TDRD7: variants seen among roughly 807,000 people sequenced by gnomAD.
TDRD7 encodes the protein tudor domain containing 7, also known as tudor domain-containing protein 7.
In TDRD7, 47 loss-of-function variants were observed where a neutral mutation model predicts 109.8. The observed-to-expected ratio is 0.43, with a 90% CI of 0.34 to 0.55. The LOEUF (loss-of-function observed/expected upper bound fraction) is 0.55. TDRD7 is among the 20% of genes least tolerant of loss of function. The probability of loss-of-function intolerance (pLI) is 0.03; values close to 1 mark genes in which losing one functional copy is unlikely to be tolerated. For missense variants in TDRD7, 1,164 were observed against 1,319.2 expected (o/e 0.88, Z 1.82); for synonymous variants, 424 against 457.3 (o/e 0.93, Z 0.93).
chr9:97,418,481 GCCGTT>G, intron 1 of TDRD7, among the ~76,000 whole-genome samples: 1 of 152,232 alleles, frequency 6.6e-6, no homozygotes, highest in Middle Eastern at 3.4e-3. Flanking sequence ...CTCTGCTCTG[GCCGTT>G]AAACAGGTCA....
At chr9:97,436,374 ATT>A (rs952613297) in intron 4 of TDRD7, among the ~76,000 whole-genome samples, 10 of 152,004 alleles carry the variant, frequency 6.6e-5, no homozygotes, top group African/African-American at 2.4e-4. Flanking sequence ...TTTGTCATAT[ATT>A]TTTTAGCCCA....
chr9:97,439,399 C>A, intron 5 of TDRD7, 81 bp downstream of exon 5: 1 of 1,110,986 alleles, frequency 9.0e-7, no homozygotes, highest in Non-Finnish European at 1.3e-6. Flanking sequence ...TTGACATTTG[C>A]TCTCACCTTC....
chr9:97,476,032 A>G lies in TDRD7; in HGVS notation c.2166+563A>G, dbSNP rs535796005. ...ATGATGGATATTTAGATTGTTCCTAATTTTTTGAACCTTCCTGTCTGTGTC... is the reference window on the plus strand; with the variant it reads ...ATGATGGATATTTAGATTGTTCCTAGTTTTTTGAACCTTCCTGTCTGTGTC... On this transcript the variant is annotated intron_variant, in intron 12 of 16. Transcript: ENST00000355295. 9.9e-5 allele frequency among the ~76,000 whole-genome samples: 15 copies of G among 152,236 alleles called. 1 individual carries two copies. Among genetic ancestry groups the G allele is most frequent in the African/African-American group, 3.6e-4 (15 of 41,536 alleles).
At chr9:97,468,614 G>GT (rs1828858816) in intron 8 of TDRD7, among the ~76,000 whole-genome samples, 1 of 152,194 alleles carries the variant, frequency 6.6e-6, no homozygotes, top group Non-Finnish European at 1.5e-5. Context: ...ACTTTGTCTG[G>GT]TGGTAAGTAC....
intron 7 of TDRD7, among the ~76,000 whole-genome samples, chr9:97,463,807 G>A (rs1005985925): frequency 2.6e-5 from 4 of 152,162 alleles, no homozygotes; most frequent in Non-Finnish European, 5.9e-5. Context: ...GTAGAAAAGT[G>A]TAGAAAGGAA....
At chr9:97,419,977 A>T (rs1346636265) in intron 1 of TDRD7, among the ~76,000 whole-genome samples, 1 of 152,226 alleles carries the variant, frequency 6.6e-6, no homozygotes, top group Non-Finnish European at 1.5e-5. Flanking sequence ...ATAGCCTCCC[A>T]GCATTATTAT....
Position 97,468,124 on chromosome 9 carries a change from G to T in TDRD7, c.1630-2434G>T, listed in dbSNP as rs12336923. 3.6e-3 allele frequency among the ~76,000 whole-genome samples: 541 copies of T among 152,352 alleles called. 3 individuals are homozygous for T. Among genetic ancestry groups the T allele is most frequent in the African/African-American group, 0.012 (512 of 41,586 alleles). On this transcript the variant is annotated intron_variant, in intron 8 of 16. Coordinates refer to ENST00000355295, the MANE Select transcript of TDRD7 (RefSeq NM_014290.3). Reference sequence around the variant, plus strand: ...GGATGAATTTGGAGCTCAGGGAGCAGTTAGGACTGGAGATGTGTCAGGTTG... The same window carrying T: ...GGATGAATTTGGAGCTCAGGGAGCATTTAGGACTGGAGATGTGTCAGGTTG...
Position 97,441,786 on chromosome 9 carries a change from A to G in TDRD7, c.766A>G (p.Lys256Glu). ...GCATAACAATGGCATTTGGATATCT[A>G]AGCTTCCACATTTTTACAAAGAGTT... ...NKHNNGIWIS[K>E]LPHFYKELYK... Residue 256 changes from lysine to glutamate, a missense_variant, in exon 6 of 17, where the codon AAG becomes GAG. Lys to Glu is a moderately conservative substitution (Grantham distance 56, BLOSUM62 1). Transcript: ENST00000355295. 7 of 1,613,850 alleles carry G rather than the reference A, an allele frequency of 4.3e-6. No individual in the cohort carries two copies. The highest frequency in any genetic ancestry group is 5.1e-6 in the Non-Finnish European group (6 of 1,179,826).
chr9:97,418,142 G>T (rs986741383), intron 1 of TDRD7, among the ~76,000 whole-genome samples: 1 of 152,118 alleles, frequency 6.6e-6, no homozygotes, highest in African/African-American at 2.4e-5. Context: ...AATAAAGGGG[G>T]AGTGAAAGTA....
intron 6 of TDRD7, among the ~76,000 whole-genome samples, chr9:97,459,779 T>A (rs566253964): frequency 4.6e-5 from 7 of 152,222 alleles, no homozygotes; most frequent in Non-Finnish European, 1.0e-4. Context: ...AAATATTTTC[T>A]AGTTTTCTTC....
At chr9:97,453,927 T>G (rs1828554763) in intron 6 of TDRD7, among the ~76,000 whole-genome samples, 1 of 152,130 alleles carries the variant, frequency 6.6e-6, no homozygotes, top group South Asian at 2.1e-4. Context: ...ACAAAGAGAC[T>G]TAGACTCCCA....
chr9:97,474,390 G>A (rs1476948804), intron 11 of TDRD7, among the ~76,000 whole-genome samples: 3 of 152,198 alleles, frequency 2.0e-5, no homozygotes. Flanking sequence ...GCACCTCAGG[G>A]CATTCATATT....
At chr9:97,455,088 A>C (rs556941868) in intron 6 of TDRD7, among the ~76,000 whole-genome samples, 4 of 152,304 alleles carry the variant, frequency 2.6e-5, no homozygotes, top group African/African-American at 9.6e-5. Flanking sequence ...GAAATGAATA[A>C]ATTCCTGGAT....
At chr9:97,495,222 A>AT (rs1158478231) in intron 16 of TDRD7, among the ~76,000 whole-genome samples, 4 of 152,178 alleles carry the variant, frequency 2.6e-5, no homozygotes, top group Non-Finnish European at 5.9e-5. Flanking sequence ...GCTGTGTATA[A>AT]TTTTAAATAA....
intron 1 of TDRD7, among the ~76,000 whole-genome samples, chr9:97,423,614 C>A (rs1212184716): frequency 6.6e-6 from 1 of 152,070 alleles, no homozygotes; most frequent in African/African-American, 2.4e-5. Flanking sequence ...GAGAATAGAT[C>A]ATTGATTTGC....
intron 4 of TDRD7, among the ~76,000 whole-genome samples, chr9:97,433,524 A>T (rs1298408545): frequency 6.6e-6 from 1 of 152,122 alleles, no homozygotes; most frequent in Non-Finnish European, 1.5e-5. Flanking sequence ...AAATGGGATT[A>T]CATCAAGCTA....
At chr9:97,413,666 G>T (rs1827762694) in intron 1 of TDRD7, among the ~76,000 whole-genome samples, 1 of 152,190 alleles carries the variant, frequency 6.6e-6, no homozygotes, top group Middle Eastern at 3.2e-3. Context: ...ACTGTTCTGG[G>T]TATAGGGAAT....
intron 2 of TDRD7, among the ~76,000 whole-genome samples, chr9:97,430,611 A>G (rs1335199126): frequency 6.6e-6 from 1 of 152,206 alleles, no homozygotes; most frequent in Non-Finnish European, 1.5e-5. Context: ...ATTATATGAT[A>G]TTATACATCA....
intron 7 of TDRD7, 57 bp from the exon 8 acceptor site, chr9:97,464,785 A>G (rs1159455045): frequency 3.8e-6 from 6 of 1,599,340 alleles, no homozygotes; most frequent in Middle Eastern, 1.7e-4. Flanking sequence ...ACGAATTCCT[A>G]TTGCTTTTCT....
Sources: allele counts gnomAD v4.1 joint callset (sites outside exome capture counted in the v4.1 genomes callset), GRCh38; gene constraint gnomAD v4.1.1; transcripts MANE v1.5; gene names NCBI Gene and HGNC (gene_info 2026-07-23, HGNC 2026-07-21).